Variants in EMC8 observed in about 807,000 individuals in gnomAD.
EMC8 encodes COX4 neighbor.
In EMC8, 11 loss-of-function variants were observed where a neutral mutation model predicts 24.3. The ratio of observed to expected loss-of-function variants is 0.45; its 90% CI spans 0.28 to 0.75. The LOEUF is 0.75. Among genes scored for constraint, EMC8 ranks in the 30% least tolerant of loss-of-function variants. The pLI, the probability that EMC8 is intolerant of heterozygous loss-of-function variation, is 0.12. For synonymous variants in EMC8, 145 were observed against 117.7 expected (o/e 1.23, Z -1.50); for missense variants, 277 against 282.7 (o/e 0.98, Z 0.14).
intron 1 of EMC8, 159 bp downstream of exon 1, chr16:85,798,906 C>A (rs1905422967): frequency 3.4e-6 from 2 of 585,292 alleles, no homozygotes; most frequent in East Asian, 5.7e-5. Flanking sequence ...AGCGCCAAGA[C>A]CCAAGCGCCA....
At chr16:85,780,195 C>T (rs1904421988) in intron 4 of EMC8, 184 bp downstream of exon 4, 3 of 616,934 alleles carry the variant, frequency 4.9e-6, no homozygotes, top group Non-Finnish European at 8.7e-6. Context: ...CTGTGGGTAC[C>T]ACTGAGGTTC....
At chr16:85,785,364 G>A (rs1372034443) in intron 2 of EMC8, among the ~76,000 whole-genome samples, 1 of 152,206 alleles carries the variant, frequency 6.6e-6, no homozygotes, top group Non-Finnish European at 1.5e-5. Flanking sequence ...GAGGTCAGCA[G>A]TTCGAGACCA....
In EMC8 at chr16:85,782,557, T is replaced by C. The variant is rs1904557376; in HGVS notation, c.309-1277A>G. On this transcript the variant is annotated intron_variant, in intron 2 of 4. Coordinates refer to ENST00000253457, the MANE Select transcript of EMC8 (RefSeq NM_006067.5). The stretch of plus-strand genomic sequence containing the variant: ...TATTTTCAGGGAAAAACAAAAGCAT[T>C]GAACCGGTTCCCTCTAGCTGCTGTC... Among the ~76,000 whole-genome samples the C allele has an allele frequency of 2.0e-5, 3 of 152,206 alleles. No homozygotes were observed. In the South Asian group the frequency reaches 6.2e-4, roughly 32 times the overall value.
chr16:85,780,316 T>G, intron 4 of EMC8, 63 bp downstream of exon 4: 1 of 1,174,172 alleles, frequency 8.5e-7, no homozygotes. Flanking sequence ...GGGGTGAGAG[T>G]GGCTCTCACG....
intron 1 of EMC8, among the ~76,000 whole-genome samples, chr16:85,791,660 G>C (rs1165849236): frequency 6.6e-6 from 1 of 152,198 alleles, no homozygotes; most frequent in Non-Finnish European, 1.5e-5. Flanking sequence ...CAGCAGAGCT[G>C]TGCTTCTTCA....
chr16:85,781,252 A>G lies in EMC8; in HGVS notation c.337T>C (p.Ser113Pro), dbSNP rs1232145155. 1 of 1,612,152 alleles carries G rather than the reference A, an allele frequency of 6.2e-7. No homozygotes were observed. The highest frequency in any genetic ancestry group is 1.1e-5 in the South Asian group (1 of 90,968). Residue 113 changes from serine (S) to proline (P), a missense_variant, in exon 3 of 5, where the codon TCC (serine) becomes CCC (proline). By Grantham distance (74) the Ser-to-Pro change is moderately conservative. Coordinates refer to ENST00000253457, the MANE Select transcript of EMC8 (RefSeq NM_006067.5). ...TCGCTGAAGCCCTCGGCGATTCTGGAGGCCACCTTCTCTGCAACCTGGTTT... is the reference window on the plus strand; with the variant it reads ...TCGCTGAAGCCCTCGGCGATTCTGGGGGCCACCTTCTCTGCAACCTGGTTT... ...SPNQVAEKVASRIAEGFSDTA... is the reference protein window; with the variant it reads ...SPNQVAEKVAPRIAEGFSDTA...
At chr16:85,786,918 T>C (rs1904781549) in intron 2 of EMC8, among the ~76,000 whole-genome samples, 2 of 152,084 alleles carry the variant, frequency 1.3e-5, no homozygotes, top group African/African-American at 2.4e-5. Context: ...ACATCAGGCA[T>C]GGATTTGCAG....
At chr16:85,794,497 T>A (rs1323968426) in intron 1 of EMC8, among the ~76,000 whole-genome samples, 1 of 152,128 alleles carries the variant, frequency 6.6e-6, no homozygotes, top group Admixed American at 6.6e-5. Context: ...GAGACCCGCC[T>A]GGGTGACACG....
At chr16:85,797,017 G>C (rs1219136266) in intron 1 of EMC8, among the ~76,000 whole-genome samples, 1 of 152,208 alleles carries the variant, frequency 6.6e-6, no homozygotes, top group African/African-American at 2.4e-5. Flanking sequence ...TATTAGAAAA[G>C]TGAATAATCC....
At chr16:85,784,311 A>C (rs1408088599) in intron 2 of EMC8, 7 of 152,194 alleles carry the variant, frequency 4.6e-5, no homozygotes, top group Non-Finnish European at 7.3e-5. Context: ...TCTTTCTTTT[A>C]ACAGCCATAA....
chr16:85,793,610 A>G (rs921620106), intron 1 of EMC8, among the ~76,000 whole-genome samples: 1 of 152,342 alleles, frequency 6.6e-6, no homozygotes, highest in Non-Finnish European at 1.5e-5. Context: ...GCTCCAGGGC[A>G]GCCGCCGTGC....
intron 3 of EMC8, chr16:85,780,690 A>T: frequency 6.9e-6 from 4 of 575,974 alleles, no homozygotes; most frequent in Non-Finnish European, 1.2e-5. Flanking sequence ...TTTTCACAAA[A>T]GCGAAGCTTC....
chr16:85,779,333 CTTTT>C lies in EMC8; in HGVS notation c.*371_*374del, dbSNP rs66645296. ...CACTCATTGGAGTATAAGATGTGGGCTTTTTTTTTTTTTTTTAAAAAAAGATAGT... is the reference window on the plus strand; with the variant it reads ...CACTCATTGGAGTATAAGATGTGGGCTTTTTTTTTTTTAAAAAAAGATAGT... On this transcript the variant is annotated 3_prime_UTR_variant, in exon 5 of 5. Coordinates refer to ENST00000253457, the MANE Select transcript of EMC8 (RefSeq NM_006067.5). 339 of 152,674 alleles carry C rather than the reference CTTTT, an allele frequency of 2.2e-3. 2 individuals carry two copies. Among genetic ancestry groups the C allele is most frequent in the Non-Finnish European group, 2.9e-3 (205 of 70,578 alleles). 9.5% of individuals were successfully genotyped at this position (152,674 alleles called of 1,614,324 possible).
At chr16:85,782,124 G>A (rs1388208586) in intron 2 of EMC8, among the ~76,000 whole-genome samples, 1 of 152,214 alleles carries the variant, frequency 6.6e-6, no homozygotes, top group Admixed American at 6.5e-5. Flanking sequence ...ACTGCTGCTG[G>A]GCACCTGCCA....
intron 1 of EMC8, among the ~76,000 whole-genome samples, chr16:85,790,216 T>C (rs1473262903): frequency 6.6e-6 from 1 of 152,116 alleles, no homozygotes; most frequent in Admixed American, 6.5e-5. Context: ...AACACAATCC[T>C]ATTGCTCTTT....
intron 1 of EMC8, 95 bp downstream of exon 1, chr16:85,798,970 G>T: frequency 1.2e-6 from 1 of 866,010 alleles, no homozygotes; most frequent in Non-Finnish European, 1.8e-6. Flanking sequence ...GGTCCTAGGA[G>T]CCTGCTGGAG....
chr16:85,794,196 T>C (rs1375492053), intron 1 of EMC8, among the ~76,000 whole-genome samples: 1 of 152,216 alleles, frequency 6.6e-6, no homozygotes, highest in Non-Finnish European at 1.5e-5. Flanking sequence ...AGAGTTTTCA[T>C]TGCCTTCAGG....
Position 85,781,225 on chromosome 16 carries a change from T to A in EMC8, c.364A>T (p.Thr122Ser). 6.2e-7 allele frequency: 1 copy of A among 1,613,684 alleles called. No homozygotes were observed. Among genetic ancestry groups the A allele is most frequent in the Non-Finnish European group, 8.5e-7 (1 of 1,179,614 alleles). Residue 122 changes from threonine to serine, a missense_variant, in exon 3 of 5, where the codon ACT becomes TCT. Physicochemically the swap from Thr to Ser is moderately conservative, Grantham distance 58 (BLOSUM62 1). Coordinates refer to ENST00000253457, the MANE Select transcript of EMC8 (RefSeq NM_006067.5). ...AAGCGACTTACCATGATGAGCGCAG[T>A]GTCGCTGAAGCCCTCGGCGATTCTG... ...ASRIAEGFSD[T>S]ALIMVDNTKF...
At chr16:85,792,840 A>G (rs1905076804) in intron 1 of EMC8, 1 of 152,224 alleles carries the variant, frequency 6.6e-6, no homozygotes, top group African/African-American at 2.4e-5. Flanking sequence ...CAATGAATCC[A>G]TTTCCATGTC....
Sources: allele counts gnomAD v4.1 joint callset (sites outside exome capture counted in the v4.1 genomes callset), GRCh38; gene constraint gnomAD v4.1.1; transcripts MANE v1.5; gene names NCBI Gene and HGNC (gene_info 2026-07-23, HGNC 2026-07-21).